CHMP4B: variants seen among roughly 807,000 people sequenced by gnomAD.
The protein encoded by CHMP4B is charged multivesicular body protein 4B, also known as SNF7 homolog associated with Alix 1.
Under a neutral mutation model 25.1 loss-of-function variants are expected in CHMP4B, and 1 was observed. The observed-to-expected ratio is 0.04, with a 90% confidence interval of 0.01 to 0.19. The LOEUF is 0.19. Among genes scored for constraint, CHMP4B ranks in the 10% least tolerant of loss-of-function variants. The pLI, the probability that CHMP4B is intolerant of heterozygous loss-of-function variation, is 1.00. For synonymous variants in CHMP4B, 101 were observed against 115.6 expected (o/e 0.87, Z 0.81); for missense variants, 151 against 289.7 (o/e 0.52, Z 3.48).
rs116042648 is a variant in CHMP4B at position 33,834,152 on chromosome 20, T to C, written c.191-14315T>C. On this transcript the variant is annotated intron_variant, in intron 1 of 4. Coordinates refer to ENST00000217402, the MANE Select transcript of CHMP4B (RefSeq NM_176812.5). ...AGTAATCTTTTTTTCCTGGTCAGTC[T>C]GGCTAGAAGTTCAATCTTGTTGAAC... Among the ~76,000 whole-genome samples, 1,165 of 152,346 alleles carry C rather than the reference T, an allele frequency of 7.6e-3. 14 individuals carry two copies. The highest frequency in any genetic ancestry group is 0.027 in the African/African-American group (1,111 of 41,574).
intron 1 of CHMP4B, among the ~76,000 whole-genome samples, chr20:33,834,395 CAAA>C: frequency 6.6e-6 from 1 of 152,126 alleles, no homozygotes; most frequent in African/African-American, 2.4e-5. Flanking sequence ...ACTGCAGCCT[CAAA>C]CTCCTGGGCT....
At chr20:33,852,941 A>G (rs549835650) in intron 4 of CHMP4B, among the ~76,000 whole-genome samples, 1 of 152,332 alleles carries the variant, frequency 6.6e-6, no homozygotes, top group East Asian at 1.9e-4. Flanking sequence ...AACTTCTAGA[A>G]AAAGCGAGGC....
At chr20:33,845,816 A>G (rs909285610) in intron 1 of CHMP4B, among the ~76,000 whole-genome samples, 6 of 152,182 alleles carry the variant, frequency 3.9e-5, no homozygotes, top group Non-Finnish European at 7.3e-5. Flanking sequence ...AGTCACAGGA[A>G]GCAGGCCTGC....
intron 1 of CHMP4B, among the ~76,000 whole-genome samples, chr20:33,837,298 CTGA>C (rs1268836231): frequency 6.6e-6 from 1 of 152,064 alleles, no homozygotes; most frequent in Non-Finnish European, 1.5e-5. Context: ...TTGCAGTGCA[CTGA>C]GATTGTGCCA....
chr20:33,839,744 G>C (rs750826829), intron 1 of CHMP4B, among the ~76,000 whole-genome samples: 3 of 152,018 alleles, frequency 2.0e-5, no homozygotes, highest in Admixed American at 6.5e-5. Context: ...TGCTTGGTGC[G>C]GGGTAGACGC....
chr20:33,840,170 C>G, intron 1 of CHMP4B, among the ~76,000 whole-genome samples: 1 of 150,946 alleles, frequency 6.6e-6, no homozygotes, highest in Non-Finnish European at 1.5e-5. Flanking sequence ...TACTTGAACC[C>G]GGGAGGCAGA....
intron 1 of CHMP4B, among the ~76,000 whole-genome samples, chr20:33,844,487 C>T (rs1000291516): frequency 3.9e-5 from 6 of 151,988 alleles, no homozygotes; most frequent in African/African-American, 7.3e-5. Flanking sequence ...GGTATATTTG[C>T]GTATTTGCTT....
At chr20:33,840,248 A>C (rs1979498947) in intron 1 of CHMP4B, among the ~76,000 whole-genome samples, 2 of 151,420 alleles carry the variant, frequency 1.3e-5, no homozygotes, top group Admixed American at 1.3e-4. Flanking sequence ...TCCATCTCAA[A>C]AAAAAAAAAG....
In CHMP4B at chr20:33,811,550, C is replaced by G; in HGVS notation, c.82C>G (p.Arg28Gly). 6.2e-7 allele frequency: 1 copy of G among 1,612,240 alleles called. No homozygotes were observed. Among genetic ancestry groups the G allele is most frequent in the Non-Finnish European group, 8.5e-7 (1 of 1,179,292 alleles). Residue 28 changes from arginine (R) to glycine (G), a missense_variant, in exon 1 of 5, where the codon CGG becomes GGG. Arg to Gly is a moderately radical substitution (Grantham distance 125). Transcript: ENST00000217402. ...CCCGACCCCCCAGGAGGCCATCCAGCGGCTGCGGGACACGGAAGAGATGTT... is the reference window on the plus strand; with the variant it reads ...CCCGACCCCCCAGGAGGCCATCCAGGGGCTGCGGGACACGGAAGAGATGTT... Reference protein sequence around the residue: ...GGPTPQEAIQRLRDTEEMLSK... With the variant: ...GGPTPQEAIQGLRDTEEMLSK...
At chr20:33,832,840 G>T (rs965087208) in intron 1 of CHMP4B, among the ~76,000 whole-genome samples, 1 of 149,260 alleles carries the variant, frequency 6.7e-6, no homozygotes. Context: ...GTGCATTGGC[G>T]CAATCATAGC....
chr20:33,821,713 A>G (rs997884166), intron 1 of CHMP4B, among the ~76,000 whole-genome samples: 3 of 152,242 alleles, frequency 2.0e-5, no homozygotes, highest in African/African-American at 7.2e-5. Flanking sequence ...ACTTGAGGCC[A>G]GGAGTTTGAG....
intron 1 of CHMP4B, among the ~76,000 whole-genome samples, chr20:33,834,928 G>T (rs115322526): frequency 1.3e-5 from 2 of 151,972 alleles, no homozygotes; most frequent in African/African-American, 2.4e-5. Context: ...TCAGCCTCCC[G>T]TGTAACTAGG....
chr20:33,822,949 GGGCTAATTTTTTGTATTTTT>G (rs879551902), intron 1 of CHMP4B, among the ~76,000 whole-genome samples: 23 of 151,560 alleles, frequency 1.5e-4, no homozygotes, highest in Non-Finnish European at 2.8e-4. Flanking sequence ...CCACCACGCC[GGGCTAATTTTTTGTATTTTT>G]AGTAGAGATG....
intron 2 of CHMP4B, among the ~76,000 whole-genome samples, chr20:33,850,398 TG>T (rs1051281524): frequency 6.6e-6 from 1 of 152,260 alleles, no homozygotes; most frequent in African/African-American, 2.4e-5. Flanking sequence ...CATTAAATAC[TG>T]TGCAAATGTT....
intron 1 of CHMP4B, among the ~76,000 whole-genome samples, chr20:33,845,555 TCA>T: frequency 6.6e-6 from 1 of 152,092 alleles, no homozygotes; most frequent in Non-Finnish European, 1.5e-5. Context: ...ACTCCTGGCC[TCA>T]GGTGATCCAC....
rs916306135 is a variant in CHMP4B at position 33,853,887 on chromosome 20, C to T, written c.*327C>T. 17 of 425,040 alleles carry T rather than the reference C, an allele frequency of 4.0e-5. No homozygotes were observed. Among genetic ancestry groups the T allele is most frequent in the East Asian group, 1.5e-4 (3 of 19,454 alleles). 26.3% of individuals were successfully genotyped at this position (425,040 alleles called of 1,614,324 possible). A position where few individuals can be genotyped will look rare whatever the true frequency, so the allele number is the denominator to read the frequency against. On this transcript the variant is annotated 3_prime_UTR_variant, in exon 5 of 5. Transcript: ENST00000217402. ...CTGCTGAATCCTCAATGGAAAGGGT[C>T]GACTGGTTGCAGTTGAAATGACCTG...
chr20:33,836,525 T>G (rs1979395576), intron 1 of CHMP4B, among the ~76,000 whole-genome samples: 1 of 152,122 alleles, frequency 6.6e-6, no homozygotes, highest in African/African-American at 2.4e-5. Context: ...GTACTTAATA[T>G]TATTTATTCT....
Position 33,811,592 on chromosome 20 carries a change from T to C in CHMP4B, c.124T>C (p.Phe42Leu). 6.2e-7 allele frequency: 1 copy of C among 1,613,078 alleles called. No individual in the cohort carries two copies. Among genetic ancestry groups the C allele is most frequent in the Non-Finnish European group, 8.5e-7 (1 of 1,179,716 alleles). The change falls in exon 1 of 5, where the codon TTC (phenylalanine) becomes CTC (leucine). Residue 42 changes from phenylalanine (F) to leucine (L), a missense_variant. This residue lies in a region of CHMP4B where 82 missense variants were observed against 208.3 expected (regional missense o/e 0.39). Coordinates refer to ENST00000217402, the MANE Select transcript of CHMP4B (RefSeq NM_176812.5). Reference protein sequence around the residue: ...TEEMLSKKQEFLEKKIEQELT... With the variant: ...TEEMLSKKQELLEKKIEQELT... ...AGAGATGTTAAGCAAGAAACAGGAG[T>C]TCCTGGAGAAGAAAATCGAGCAGGA...
intron 1 of CHMP4B, among the ~76,000 whole-genome samples, chr20:33,828,796 A>C (rs78068157): frequency 0.017 from 2,643 of 151,034 alleles, 82 homozygotes; most frequent in African/African-American, 0.06. Context: ...GGTATAACGT[A>C]TAGTAAGCAG....
Sources: gnomAD v4.1 joint callset for allele counts (sites outside exome capture counted in the v4.1 genomes callset) on GRCh38, gnomAD v4.1.1 for gene constraint, gnomAD v4.1.1 regional missense constraint, MANE v1.5 for transcripts, NCBI Gene and HGNC (gene_info 2026-07-23, HGNC 2026-07-21) for gene names.